The following G3BP1 variants were observed in gnomAD, a reference collection of about 807,000 sequenced individuals.
G3BP1 encodes ras GTPase-activating protein-binding protein 1.
In G3BP1, 35 loss-of-function variants were observed where a neutral mutation model predicts 58.6. The ratio of observed to expected loss-of-function variants is 0.60; its 90% CI spans 0.46 to 0.79. The LOEUF (loss-of-function observed/expected upper bound fraction) is 0.79. Among genes scored for constraint, G3BP1 ranks in the 30% least tolerant of loss-of-function variants. The pLI is 0.00. For missense variants in G3BP1, 523 were observed against 580.8 expected (o/e 0.90, Z 1.02); for synonymous variants, 191 against 195.4 (o/e 0.98, Z 0.19).
Position 151,795,464 on chromosome 5 carries a change from CT to C in G3BP1, c.443-10del. The C allele has an allele frequency of 7.4e-7, 1 of 1,356,990 alleles. No individual in the cohort carries two copies. The highest frequency in any genetic ancestry group is 1.0e-6 in the Non-Finnish European group (1 of 955,568). 84.1% of individuals were successfully genotyped at this position (1,356,990 alleles called of 1,614,324 possible). Reference sequence around the variant, plus strand: ...AGTAAGTACAAATTACTTTAAATATCTTTTTCTCACTTAGAGTCTGAAGAAG... The same window carrying C: ...AGTAAGTACAAATTACTTTAAATATCTTTTCTCACTTAGAGTCTGAAGAAG... On this transcript the variant is annotated splice_polypyrimidine_tract_variant and intron_variant, in intron 5 of 11. Coordinates refer to ENST00000356245, the MANE Select transcript of G3BP1 (RefSeq NM_005754.3).
At chr5:151,784,754 A>G (rs1467906583) in intron 1 of G3BP1, among the ~76,000 whole-genome samples, 2 of 152,180 alleles carry the variant, frequency 1.3e-5, no homozygotes, top group Admixed American at 6.5e-5. Context: ...TAAAAAAAGT[A>G]CTGCTACTGT....
intron 1 of G3BP1, among the ~76,000 whole-genome samples, chr5:151,778,926 G>A (rs1418143448): frequency 6.6e-6 from 1 of 151,946 alleles, no homozygotes; most frequent in Admixed American, 6.6e-5. Flanking sequence ...GCGTGGTGGT[G>A]TGTGCTTGTA....
At chr5:151,803,553 C>T (rs1046846529) in intron 11 of G3BP1, among the ~76,000 whole-genome samples, 4 of 152,026 alleles carry the variant, frequency 2.6e-5, no homozygotes, top group South Asian at 2.1e-4. Flanking sequence ...AGTACAATGG[C>T]GTGATCTTGG....
In G3BP1 at chr5:151,807,802, T is replaced by C. The variant is rs906875565; in HGVS notation, c.*3711T>C. The C allele has an allele frequency of 2.0e-5, 3 of 152,226 alleles. No homozygotes were observed. Among genetic ancestry groups the C allele is most frequent in the Non-Finnish European group, 2.9e-5 (2 of 68,036 alleles). The allele number at this position is 152,226 out of a possible 1,614,324, so 9.4% of individuals were successfully genotyped here. ...CCATTTTAGAACTTACAGGTAACCTTTTTGAAGAGCTTAGATTTGTAGACC... is the reference window on the plus strand; with the variant it reads ...CCATTTTAGAACTTACAGGTAACCTCTTTGAAGAGCTTAGATTTGTAGACC... On this transcript the variant is annotated 3_prime_UTR_variant, in exon 12 of 12. Coordinates refer to ENST00000356245, the MANE Select transcript of G3BP1 (RefSeq NM_005754.3).
chr5:151,781,257 G>A (rs893149344), intron 1 of G3BP1, among the ~76,000 whole-genome samples: 6 of 152,138 alleles, frequency 3.9e-5, no homozygotes, highest in Non-Finnish European at 5.9e-5. Context: ...ACCATTTGCA[G>A]TCAAGAGAAA....
At chr5:151,784,306 T>G (rs1762521754) in intron 1 of G3BP1, among the ~76,000 whole-genome samples, 1 of 152,172 alleles carries the variant, frequency 6.6e-6, no homozygotes, top group South Asian at 2.1e-4. Context: ...CTTGCTTTGT[T>G]GTTGCCCAGA....
At chr5:151,781,090 A>T (rs1231220144) in intron 1 of G3BP1, among the ~76,000 whole-genome samples, 1 of 152,032 alleles carries the variant, frequency 6.6e-6, no homozygotes, top group Non-Finnish European at 1.5e-5. Flanking sequence ...TAGAAATAAT[A>T]AAAAAAATTA....
At position 151,804,649 on chromosome 5, in the gene G3BP1, A is replaced by G. The variant is rs575775659; in HGVS notation, c.*558A>G. 3 of 152,758 alleles carry G rather than the reference A, an allele frequency of 2.0e-5. No homozygotes were observed. Among genetic ancestry groups the G allele is most frequent in the Non-Finnish European group, 2.9e-5 (2 of 68,014 alleles). 9.5% of individuals were successfully genotyped at this position (152,758 alleles called of 1,614,324 possible). Reference sequence around the variant, plus strand: ...TCACTGGTATGTTTAAAAACTGAATAAAAGGAATAGAATTTTTTTTTGATA... The same window carrying G: ...TCACTGGTATGTTTAAAAACTGAATGAAAGGAATAGAATTTTTTTTTGATA... On this transcript the variant is annotated 3_prime_UTR_variant, in exon 12 of 12. Coordinates refer to ENST00000356245, the MANE Select transcript of G3BP1 (RefSeq NM_005754.3).
At chr5:151,791,235 CAT>C (rs1762646957) in intron 4 of G3BP1, 173 bp downstream of exon 4, 1 of 544,896 alleles carries the variant, frequency 1.8e-6, no homozygotes, top group Non-Finnish European at 3.3e-6. Flanking sequence ...CACTTGCCCA[CAT>C]GTGTATAATT....
intron 11 of G3BP1, among the ~76,000 whole-genome samples, chr5:151,801,525 G>A (rs1227575803): frequency 6.6e-6 from 1 of 152,136 alleles, no homozygotes; most frequent in Non-Finnish European, 1.5e-5. Context: ...TTATTGAGGT[G>A]AAATTTACAT....
rs1762642916 is a variant in G3BP1 at position 151,790,974 on chromosome 5, A to G, written c.263A>G (p.Asp88Gly). The change falls in exon 4 of 12, where the codon GAT becomes GGT. Residue 88 changes from aspartate to glycine, a missense_variant. This residue lies in a region of G3BP1 where 398 missense variants were observed against 399.1 expected (regional missense o/e 1.00). Coordinates refer to ENST00000356245, the MANE Select transcript of G3BP1 (RefSeq NM_005754.3). ...RHVDAHATLN[D>G]GVVVQVMGLL... Reference sequence around the variant, plus strand: ...GTTGATGCTCATGCCACGCTAAATGATGGTGTGGTAGTCCAGGTGATGGGG... The same window carrying G: ...GTTGATGCTCATGCCACGCTAAATGGTGGTGTGGTAGTCCAGGTGATGGGG... 2 of 1,612,120 alleles carry G rather than the reference A, an allele frequency of 1.2e-6. No homozygotes were observed. The highest frequency in any genetic ancestry group is 1.1e-5 in the South Asian group (1 of 91,026).
At position 151,807,297 on chromosome 5, in the gene G3BP1, A is replaced by T. The variant is rs537577791; in HGVS notation, c.*3206A>T. 2 of 152,224 alleles carry T rather than the reference A, an allele frequency of 1.3e-5. No individual in the cohort carries two copies. Among genetic ancestry groups the T allele is most frequent in the African/African-American group, 2.4e-5 (1 of 41,448 alleles). 9.4% of individuals were successfully genotyped at this position (152,224 alleles called of 1,614,324 possible). A position where few individuals can be genotyped will look rare whatever the true frequency, so the allele number is the denominator to read the frequency against. ...CAGTTAAATGACAGGCTTCCAAGTCATCCATGTAGCAAGGAGCACATTTGC... is the reference window on the plus strand; with the variant it reads ...CAGTTAAATGACAGGCTTCCAAGTCTTCCATGTAGCAAGGAGCACATTTGC... On this transcript the variant is annotated 3_prime_UTR_variant, in exon 12 of 12. Coordinates refer to ENST00000356245, the MANE Select transcript of G3BP1 (RefSeq NM_005754.3).
At chr5:151,794,726 A>G (rs940757154) in intron 5 of G3BP1, among the ~76,000 whole-genome samples, 1 of 152,270 alleles carries the variant, frequency 6.6e-6, no homozygotes, top group Admixed American at 6.5e-5. Flanking sequence ...AAGGGTAGGC[A>G]TGGAAGATGT....
chr5:151,777,500 C>A (rs895488109), intron 1 of G3BP1, among the ~76,000 whole-genome samples: 1 of 152,118 alleles, frequency 6.6e-6, no homozygotes, highest in Non-Finnish European at 1.5e-5. Flanking sequence ...TCTTTCCAGG[C>A]TGTTTTATTG....
chr5:151,790,802 T>G, intron 3 of G3BP1, 87 bp from the exon 4 acceptor site: 1 of 737,252 alleles, frequency 1.4e-6, no homozygotes, highest in Non-Finnish European at 2.2e-6. Context: ...CTCTTTGTGT[T>G]GTGTTGGAAG....
chr5:151,809,561 A>C lies in G3BP1; in HGVS notation c.*5470A>C, dbSNP rs1762985944. On this transcript the variant is annotated 3_prime_UTR_variant, in exon 12 of 12. Coordinates refer to ENST00000356245, the MANE Select transcript of G3BP1 (RefSeq NM_005754.3). ...TTTTTCTTCTATTTTGGTTATTACC[A>C]AAAGGAACAGAGAAACTCTCAGAAT... is the stretch of plus-strand genomic sequence containing the variant. 1.3e-5 allele frequency: 2 copies of C among 152,220 alleles called. No individual in the cohort carries two copies. Among genetic ancestry groups the C allele is most frequent in the African/African-American group, 4.8e-5 (2 of 41,458 alleles). 9.4% of individuals were successfully genotyped at this position (152,220 alleles called of 1,614,324 possible).
At chr5:151,792,241 G>T in intron 4 of G3BP1, 1 of 282,944 alleles carries the variant, frequency 3.5e-6, no homozygotes, top group Non-Finnish European at 7.2e-6. Flanking sequence ...TATAGAAATG[G>T]CATAGTAAGA....
In G3BP1 at chr5:151,790,314, A is replaced by G. The variant is rs1370285177; in HGVS notation, c.96-9A>G. On this transcript the variant is annotated splice_polypyrimidine_tract_variant and intron_variant, in intron 2 of 11. Coordinates refer to ENST00000356245, the MANE Select transcript of G3BP1 (RefSeq NM_005754.3). ...AAGATGACAAGTAAATCATCTTCCC[A>G]TTTTACAGATTTTATGGAAAGAACT... The G allele has an allele frequency of 1.4e-6, 2 of 1,457,082 alleles. No individual in the cohort carries two copies. The highest frequency in any genetic ancestry group is 1.9e-6 in the Non-Finnish European group (2 of 1,060,770). The allele number at this position is 1,457,082 out of a possible 1,614,324, so 90.3% of individuals were successfully genotyped here.
intron 2 of G3BP1, among the ~76,000 whole-genome samples, chr5:151,789,569 T>TA (rs1255891298): frequency 1.3e-5 from 2 of 152,214 alleles, no homozygotes; most frequent in South Asian, 4.1e-4. Context: ...AGTTAAAAAG[T>TA]ACTTCTAAAA....
Sources: allele counts gnomAD v4.1 joint callset (sites outside exome capture counted in the v4.1 genomes callset), GRCh38; gene constraint gnomAD v4.1.1; regional missense constraint gnomAD v4.1.1; transcripts MANE v1.5; gene names NCBI Gene and HGNC (gene_info 2026-07-23, HGNC 2026-07-21).